The following SEMA6D variants were observed in gnomAD, a reference collection of about 807,000 sequenced individuals.
The protein encoded by SEMA6D is semaphorin-6D.
SEMA6D carries 35 observed loss-of-function variants against 106.6 expected under a neutral mutation model. The ratio of observed to expected loss-of-function variants is 0.33; its 90% CI spans 0.25 to 0.44. SEMA6D has a LOEUF of 0.44. Among genes scored for constraint, SEMA6D ranks in the 20% least tolerant of loss-of-function variants. The pLI is 1.00. For missense variants in SEMA6D, 1,185 were observed against 1,345.9 expected (o/e 0.88, Z 1.87); for synonymous variants, 499 against 487.7 (o/e 1.02, Z -0.31).
At chr15:47,658,041 G>A (rs533450587) in intron 4 of SEMA6D, among the ~76,000 whole-genome samples, 19 of 151,744 alleles carry the variant, frequency 1.3e-4, no homozygotes, top group African/African-American at 3.9e-4. Context: ...CGCCCAGCAG[G>A]GCTTCATTTC....
chr15:47,751,194 C>T (rs139837418), intron 1 of SEMA6D, among the ~76,000 whole-genome samples: 29 of 152,284 alleles, frequency 1.9e-4, no homozygotes, highest in African/African-American at 6.0e-4. Flanking sequence ...TAAATACTGA[C>T]GGTGATCATT....
At chr15:47,522,898 T>C (rs1461237487) in intron 3 of SEMA6D, among the ~76,000 whole-genome samples, 2 of 152,340 alleles carry the variant, frequency 1.3e-5, no homozygotes, top group African/African-American at 2.4e-5. Flanking sequence ...ATGATGAAGC[T>C]GCCTGTACCC....
chr15:47,704,281 C>T (rs1310747975), intron 4 of SEMA6D, among the ~76,000 whole-genome samples: 4 of 152,134 alleles, frequency 2.6e-5, no homozygotes, highest in Admixed American at 6.5e-5. Context: ...CCACCATGCC[C>T]AGCCTACAGT....
At chr15:47,333,669 G>T (rs1382779804) in intron 1 of SEMA6D, among the ~76,000 whole-genome samples, 1 of 152,170 alleles carries the variant, frequency 6.6e-6, no homozygotes, top group Non-Finnish European at 1.5e-5. Flanking sequence ...CACTATTCTA[G>T]TTGCTGGAGA....
chr15:47,735,764 A>G (rs966865321), intron 1 of SEMA6D, among the ~76,000 whole-genome samples: 2 of 152,210 alleles, frequency 1.3e-5, no homozygotes, highest in Non-Finnish European at 2.9e-5. Flanking sequence ...GTCGGCCTGA[A>G]GAGATGGGGA....
intron 4 of SEMA6D, among the ~76,000 whole-genome samples, chr15:47,651,530 AC>A: frequency 6.6e-6 from 1 of 152,302 alleles, no homozygotes; most frequent in South Asian, 2.1e-4. Flanking sequence ...GGACCTTAAA[AC>A]CAGAGTTAAC....
At chr15:47,250,908 G>A (rs770693834) in intron 1 of SEMA6D, among the ~76,000 whole-genome samples, 6 of 152,182 alleles carry the variant, frequency 3.9e-5, no homozygotes, top group South Asian at 2.1e-4. Context: ...GACATGCAGC[G>A]AATCCTTTAT....
At chr15:47,733,258 C>T (rs1031543963) in intron 1 of SEMA6D, among the ~76,000 whole-genome samples, 3 of 152,058 alleles carry the variant, frequency 2.0e-5, no homozygotes, top group African/African-American at 4.8e-5. Flanking sequence ...GGCCTGGCTC[C>T]GAGTCCTCCT....
At chr15:47,215,260 G>GA (rs1289049714) in intron 1 of SEMA6D, among the ~76,000 whole-genome samples, 1 of 151,346 alleles carries the variant, frequency 6.6e-6, no homozygotes, top group Non-Finnish European at 1.5e-5. Flanking sequence ...GACTTTAACG[G>GA]AAAAAAGAGC....
intron 2 of SEMA6D, among the ~76,000 whole-genome samples, chr15:47,442,553 G>A (rs2041913257): frequency 6.6e-6 from 1 of 152,106 alleles, no homozygotes; most frequent in African/African-American, 2.4e-5. Context: ...TGAGGGTAAT[G>A]TCTGCGTTAG....
intron 1 of SEMA6D, among the ~76,000 whole-genome samples, chr15:47,225,347 T>G (rs1485242440): frequency 3.3e-5 from 5 of 151,906 alleles, no homozygotes; most frequent in Non-Finnish European, 7.4e-5. Context: ...TTTTAGTCAT[T>G]CTAGTAAGAG....
chr15:47,406,043 A>G (rs1376365671), intron 1 of SEMA6D, among the ~76,000 whole-genome samples: 2 of 152,236 alleles, frequency 1.3e-5, no homozygotes. Context: ...CTGCTTTAGC[A>G]TATCCTTTCT....
At chr15:47,632,851 T>C (rs1027716349) in intron 4 of SEMA6D, among the ~76,000 whole-genome samples, 5 of 152,146 alleles carry the variant, frequency 3.3e-5, no homozygotes, top group African/African-American at 1.2e-4. Context: ...TAGTCCTCTA[T>C]GTTTGTTACT....
At chr15:47,552,386 T>C (rs573161552) in intron 3 of SEMA6D, among the ~76,000 whole-genome samples, 1 of 152,034 alleles carries the variant, frequency 6.6e-6, no homozygotes, top group African/African-American at 2.4e-5. Flanking sequence ...TCCTTTTCTA[T>C]GGTTTATGGC....
At chr15:47,750,166 C>G (rs1193637997) in intron 1 of SEMA6D, among the ~76,000 whole-genome samples, 1 of 152,050 alleles carries the variant, frequency 6.6e-6, no homozygotes, top group Non-Finnish European at 1.5e-5. Context: ...AAAGCAGAGG[C>G]AGCCTCAAGG....
At chr15:47,243,807 TAGA>T (rs1278825606) in intron 1 of SEMA6D, among the ~76,000 whole-genome samples, 1 of 152,114 alleles carries the variant, frequency 6.6e-6, no homozygotes, top group Non-Finnish European at 1.5e-5. Flanking sequence ...CCAGTACTTG[TAGA>T]AGGACAGAAT....
intron 2 of SEMA6D, among the ~76,000 whole-genome samples, chr15:47,441,789 A>G (rs1383095405): frequency 6.6e-6 from 1 of 152,080 alleles, no homozygotes; most frequent in Non-Finnish European, 1.5e-5. Flanking sequence ...AGTGGAGCAG[A>G]GAAAGCATTT....
At chr15:47,608,138 G>A (rs2076820089) in intron 4 of SEMA6D, among the ~76,000 whole-genome samples, 2 of 152,132 alleles carry the variant, frequency 1.3e-5, no homozygotes, top group Non-Finnish European at 2.9e-5. Context: ...TTTGTGTGCC[G>A]AGTGGGAGTA....
intron 1 of SEMA6D, among the ~76,000 whole-genome samples, chr15:47,225,552 G>T: frequency 2.6e-5 from 3 of 117,112 alleles, no homozygotes; most frequent in African/African-American, 3.8e-5. Context: ...TTTTTGATGG[G>T]GTTTTGCTCT....
Sources: gnomAD v4.1 joint callset for allele counts (sites outside exome capture counted in the v4.1 genomes callset) on GRCh38, gnomAD v4.1.1 for gene constraint, MANE v1.5 for transcripts, NCBI Gene and HGNC (gene_info 2026-07-23, HGNC 2026-07-21) for gene names.